Variants in NAV2 observed in about 807,000 individuals in gnomAD.
NAV2 encodes the protein neuron navigator 2.
Under a neutral mutation model 223.2 loss-of-function variants are expected in NAV2, and 54 were observed. The observed-to-expected ratio is 0.24, with a 90% CI of 0.19 to 0.30. The LOEUF (loss-of-function observed/expected upper bound fraction) is 0.30, where lower values mean the gene tolerates loss of function less well. Among genes scored for constraint, NAV2 ranks in the 10% least tolerant of loss-of-function variants. NAV2 has a pLI of 1.00. For missense variants in NAV2, 2,806 were observed against 3,147.5 expected, an observed-to-expected ratio of 0.89 and a Z score of 2.60; for synonymous variants, 1,279 against 1,239.3, an observed-to-expected ratio of 1.03 and a Z score of -0.67.
At chr11:19,932,236 C>CAAAAAAAAAAAAAA (rs398015484) in intron 6 of NAV2, among the ~76,000 whole-genome samples, 14 of 78,910 alleles carry the variant, frequency 1.8e-4, no homozygotes, top group East Asian at 4.6e-4. Context: ...CACTCTTAAG[C>CAAAAAAAAAAAAAA]AAAAAAAAAA....
chr11:19,911,644 T>G (rs2043324323), intron 6 of NAV2, among the ~76,000 whole-genome samples: 2 of 152,108 alleles, frequency 1.3e-5, no homozygotes, highest in Non-Finnish European at 2.9e-5. Flanking sequence ...GTCACCTCAC[T>G]CTAAGAATTC....
chr11:19,677,599 A>G (rs901884480), intron 1 of NAV2, among the ~76,000 whole-genome samples: 1 of 152,236 alleles, frequency 6.6e-6, no homozygotes, highest in Non-Finnish European at 1.5e-5. Context: ...CAAACTCCTC[A>G]ATTGATAAAT....
intron 1 of NAV2, among the ~76,000 whole-genome samples, chr11:19,747,229 T>C (rs1431113615): frequency 1.3e-5 from 2 of 152,022 alleles, no homozygotes; most frequent in Admixed American, 6.6e-5. Flanking sequence ...GAACTCATCA[T>C]TTTTTATGGC....
At chr11:20,001,905 G>A (rs2052589847) in intron 11 of NAV2, among the ~76,000 whole-genome samples, 1 of 151,892 alleles carries the variant, frequency 6.6e-6, no homozygotes, top group South Asian at 2.1e-4. Flanking sequence ...GGGTGTGGCT[G>A]TCCCACCTGT....
intron 1 of NAV2, among the ~76,000 whole-genome samples, chr11:19,622,343 G>A (rs375691261): frequency 2.0e-5 from 3 of 152,146 alleles, no homozygotes; most frequent in East Asian, 3.9e-4. Flanking sequence ...TCTGTCTAAT[G>A]TTGACAGTGG....
intron 10 of NAV2, among the ~76,000 whole-genome samples, chr11:19,977,758 T>C (rs1357389527): frequency 4.0e-5 from 6 of 151,724 alleles, no homozygotes; most frequent in Non-Finnish European, 8.8e-5. Context: ...CTTGAGCCAA[T>C]GTGGCCACTG....
intron 1 of NAV2, among the ~76,000 whole-genome samples, chr11:19,793,539 C>T (rs1314375822): frequency 6.6e-6 from 1 of 152,234 alleles, no homozygotes; most frequent in East Asian, 1.9e-4. Context: ...TCTGTCTCTG[C>T]TGCCGTCACC....
chr11:19,346,839 T>C (rs1169094206), upstream of NAV2, among the ~76,000 whole-genome samples: 1 of 152,194 alleles, frequency 6.6e-6, no homozygotes, highest in Non-Finnish European at 1.5e-5. Context: ...AACTTATTTA[T>C]TGATTGATTA....
At chr11:19,615,617 A>G (rs2046768913) in intron 1 of NAV2, among the ~76,000 whole-genome samples, 1 of 152,158 alleles carries the variant, frequency 6.6e-6, no homozygotes, top group Non-Finnish European at 1.5e-5. Context: ...ACATATACAC[A>G]TATATGAAAT....
intron 1 of NAV2, among the ~76,000 whole-genome samples, chr11:19,818,049 C>G (rs2059188536): frequency 6.6e-6 from 1 of 152,028 alleles, no homozygotes. Flanking sequence ...TCTTACCTCT[C>G]TCCCTGAATT....
chr11:19,952,008 C>T (rs2047437596), intron 10 of NAV2, among the ~76,000 whole-genome samples: 1 of 152,188 alleles, frequency 6.6e-6, no homozygotes, highest in African/African-American at 2.4e-5. Context: ...TTGTAGCATT[C>T]TAGAACACTT....
chr11:19,835,076 C>A (rs527645775), intron 2 of NAV2, among the ~76,000 whole-genome samples: 22 of 152,282 alleles, frequency 1.4e-4, no homozygotes, highest in African/African-American at 5.1e-4. Flanking sequence ...GTATGTTGTG[C>A]ATTTTCTAAA....
intron 1 of NAV2, among the ~76,000 whole-genome samples, chr11:19,557,899 C>T (rs1016151171): frequency 1.3e-5 from 2 of 152,104 alleles, no homozygotes; most frequent in Non-Finnish European, 1.5e-5. Context: ...GAGGGCACTT[C>T]GTCTGGTGAA....
At chr11:19,532,011 AG>A (rs1442112088) in intron 1 of NAV2, among the ~76,000 whole-genome samples, 1 of 152,242 alleles carries the variant, frequency 6.6e-6, no homozygotes, top group Non-Finnish European at 1.5e-5. Flanking sequence ...ATAAAGAGAA[AG>A]AAAAAAAATT....
At chr11:19,391,662 G>A (rs1242382092) in intron 1 of NAV2, among the ~76,000 whole-genome samples, 1 of 151,538 alleles carries the variant, frequency 6.6e-6, no homozygotes, top group Non-Finnish European at 1.5e-5. Context: ...TTTAATGCCT[G>A]TTAGTCTGGT....
At chr11:19,486,790 C>T (rs1284262322) in intron 1 of NAV2, among the ~76,000 whole-genome samples, 1 of 152,196 alleles carries the variant, frequency 6.6e-6, no homozygotes, top group African/African-American at 2.4e-5. Context: ...TCAGCTCAGG[C>T]ATCATCTTCT....
chr11:20,098,309 A>G (rs570094994), intron 31 of NAV2, among the ~76,000 whole-genome samples: 62 of 152,298 alleles, frequency 4.1e-4, no homozygotes, highest in Non-Finnish European at 6.5e-4. Flanking sequence ...GGGAAACTAC[A>G]TCGTTATCCC....
chr11:19,466,292 A>C (rs1852347653), intron 1 of NAV2, among the ~76,000 whole-genome samples: 1 of 151,988 alleles, frequency 6.6e-6, no homozygotes, highest in Admixed American at 6.6e-5. Flanking sequence ...ATCCATTTGC[A>C]CCTGTCCACA....
intron 1 of NAV2, among the ~76,000 whole-genome samples, chr11:19,680,822 G>A (rs1020666282): frequency 2.4e-4 from 37 of 152,318 alleles, no homozygotes; most frequent in Admixed American, 9.1e-4. Flanking sequence ...ATGAGCTCAC[G>A]TGAGAGAACG....
Sources: allele counts gnomAD v4.1 joint callset (sites outside exome capture counted in the v4.1 genomes callset), GRCh38; gene constraint gnomAD v4.1.1; transcripts MANE v1.5; gene names NCBI Gene and HGNC (gene_info 2026-07-23, HGNC 2026-07-21).